PCDHGC3: variants seen among roughly 807,000 people sequenced by gnomAD.
PCDHGC3 encodes protocadherin gamma-C3.
A neutral mutation model predicts 59.2 loss-of-function variants in PCDHGC3; 26 were observed. The observed-to-expected ratio is 0.44, with a 90% CI of 0.32 to 0.61. The LOEUF is 0.61. Ranked by LOEUF, PCDHGC3 falls within the 20% of genes least tolerant of loss-of-function variation. The pLI is 0.05. For synonymous variants in PCDHGC3, 487 were observed against 519.7 expected, an observed-to-expected ratio of 0.94 and a Z score of 0.86; for missense variants, 1,080 against 1,221.8, an observed-to-expected ratio of 0.88 and a Z score of 1.73.
chr5:141,478,199 C>T lies in PCDHGC3; in HGVS notation c.2083C>T (p.Leu695Phe), dbSNP rs759439765. 3.7e-6 allele frequency: 6 copies of T among 1,614,056 alleles called. No homozygotes were observed. The Middle Eastern group carries it at 6.6e-4, about 178-fold the overall frequency. The change falls in exon 1 of 4, where the codon CTT becomes TTT. Residue 695 changes from leucine to phenylalanine, a missense_variant. Coordinates refer to ENST00000308177, the MANE Select transcript of PCDHGC3 (RefSeq NM_002588.4). The part of the protein sequence containing the change: ...EQKKNLTFYL[L>F]LSLILVSVGF... ...GAAAAAAAATCTCACCTTTTATCTA[C>T]TTCTTTCTCTAATCCTGGTTTCTGT...
At chr5:141,484,795 C>G (rs1265916821) in intron 1 of PCDHGC3, among the ~76,000 whole-genome samples, 1 of 151,902 alleles carries the variant, frequency 6.6e-6, no homozygotes, top group Middle Eastern at 3.4e-3. Flanking sequence ...AGATAACAAC[C>G]CGTGGAAAAA....
At chr5:141,483,082 C>T (rs2099576709) in intron 1 of PCDHGC3, among the ~76,000 whole-genome samples, 1 of 151,662 alleles carries the variant, frequency 6.6e-6, no homozygotes, top group African/African-American at 2.4e-5. Flanking sequence ...GAGACTCCAT[C>T]TCAAAAAAAA....
rs2099695710 is a variant in PCDHGC3, at chr5:141,490,068, A to G, written c.2431-4739A>G. On this transcript the variant is annotated intron_variant, in intron 1 of 3. Coordinates refer to ENST00000308177, the MANE Select transcript of PCDHGC3 (RefSeq NM_002588.4). This position sits in a 1 kb window ranked among gnomAD's most constrained non-coding sequence, Gnocchi z 5.4. ...ATCCAGACGAGGGCACCAACGGCCA[A>G]CTAGACTATTCTTTTGGAGACCACA... is the stretch of plus-strand genomic sequence containing the variant. 2 of 1,614,152 alleles carry G rather than the reference A, an allele frequency of 1.2e-6. No homozygotes were observed. The highest frequency in any genetic ancestry group is 1.6e-4 in the Middle Eastern group (1 of 6,084).
chr5:141,499,572 T>C (rs2099792782), intron 2 of PCDHGC3, among the ~76,000 whole-genome samples: 1 of 152,178 alleles, frequency 6.6e-6, no homozygotes, highest in Admixed American at 6.5e-5. Flanking sequence ...CAGCTTCAAC[T>C]AATGCCTTAT....
rs1000775080 is a variant in PCDHGC3 at position 141,487,567 on chromosome 5, G to C, written c.2431-7240G>C. 2 of 1,614,168 alleles carry C rather than the reference G, an allele frequency of 1.2e-6. No individual in the cohort carries two copies. The highest frequency in any genetic ancestry group is 1.7e-6 in the Non-Finnish European group (2 of 1,180,036). ...CACCCAGTGCACCTATGGCAGGGGA[G>C]CCTGTTCGCCCAAGCTGCCCACCCT... On this transcript the variant is annotated intron_variant, in intron 1 of 3. Coordinates refer to ENST00000308177, the MANE Select transcript of PCDHGC3 (RefSeq NM_002588.4). The surrounding 1 kb of genome is among the most constrained non-coding windows in gnomAD (Gnocchi z 5.0).
Position 141,487,323 on chromosome 5 carries a change from G to T in PCDHGC3, c.2431-7484G>T. The T allele has an allele frequency of 6.2e-7, 1 of 1,614,100 alleles. No homozygotes were observed. The highest frequency in any genetic ancestry group is 8.5e-7 in the Non-Finnish European group (1 of 1,180,004). On this transcript the variant is annotated intron_variant, in intron 1 of 3. Coordinates refer to ENST00000308177, the MANE Select transcript of PCDHGC3 (RefSeq NM_002588.4). This position sits in a 1 kb window ranked among gnomAD's most constrained non-coding sequence, Gnocchi z 5.0. ...GTGGCACTACTCTCTAAGTGTCTTC[G>T]TGGGGCAGCCTGTGGAGTCACATGC... is the stretch of plus-strand genomic sequence containing the variant.
At chr5:141,502,019 G>A (rs1454981730) in intron 2 of PCDHGC3, among the ~76,000 whole-genome samples, 1 of 152,008 alleles carries the variant, frequency 6.6e-6, no homozygotes, top group African/African-American at 2.4e-5. Flanking sequence ...TCTCCTCCCT[G>A]CAACCCCCGC....
chr5:141,486,559 G>A lies in PCDHGC3; in HGVS notation c.2430+8013G>A. ...CTTTCTTTCAGAGGTCACATGAGGTGTTTGTTCCTGAGAACAATCGCCCAG... is the reference window on the plus strand; with the variant it reads ...CTTTCTTTCAGAGGTCACATGAGGTATTTGTTCCTGAGAACAATCGCCCAG... On this transcript the variant is annotated intron_variant, in intron 1 of 3. Transcript: ENST00000308177. This position sits in a 1 kb window ranked among gnomAD's most constrained non-coding sequence, Gnocchi z 5.0. 6.2e-7 allele frequency: 1 copy of A among 1,614,032 alleles called. No individual in the cohort carries two copies. Among genetic ancestry groups the A allele is most frequent in the Non-Finnish European group, 8.5e-7 (1 of 1,180,022 alleles).
intron 1 of PCDHGC3, chr5:141,492,023 C>T: frequency 1.8e-6 from 1 of 564,804 alleles, no homozygotes; most frequent in Non-Finnish European, 3.0e-6. Context: ...TCGGGGGTCC[C>T]GGGAGGAGGC....
In PCDHGC3 at chr5:141,493,211, G is replaced by C. The variant is rs1312763933; in HGVS notation, c.2431-1596G>C. Reference sequence around the variant, plus strand: ...CTCCTTTGAGAACCTCATCTCATTTGCTCTTCCCACCATTGCTGTTGGCTA... The same window carrying C: ...CTCCTTTGAGAACCTCATCTCATTTCCTCTTCCCACCATTGCTGTTGGCTA... On this transcript the variant is annotated intron_variant, in intron 1 of 3. Transcript: ENST00000308177. The surrounding 1 kb of genome is among the most constrained non-coding windows in gnomAD (Gnocchi z 4.3). 6.6e-6 allele frequency among the ~76,000 whole-genome samples: 1 copy of C among 152,180 alleles called. No individual in the cohort carries two copies. The highest frequency in any genetic ancestry group is 2.4e-5 in the African/African-American group (1 of 41,436).
chr5:141,504,224 C>T (rs2099836716), intron 2 of PCDHGC3, among the ~76,000 whole-genome samples: 2 of 152,160 alleles, frequency 1.3e-5, no homozygotes, highest in African/African-American at 4.8e-5. Flanking sequence ...TAGAGCTGAA[C>T]CTTCTAAGAA....
chr5:141,509,199 GTC>G (rs1017134758), intron 3 of PCDHGC3, among the ~76,000 whole-genome samples: 1 of 152,070 alleles, frequency 6.6e-6, no homozygotes, highest in Non-Finnish European at 1.5e-5. Context: ...AATATTTCCT[GTC>G]TCTCTATTTC....
intron 2 of PCDHGC3, among the ~76,000 whole-genome samples, chr5:141,501,907 G>T (rs4912761): frequency 0.59 from 89,145 of 151,782 alleles, 27,774 homozygotes; most frequent in African/African-American, 0.8. Context: ...CAACCCCACT[G>T]TTCCACTCAG....
rs756146067 is a variant in PCDHGC3, at chr5:141,477,534, G to C, written c.1418G>C (p.Gly473Ala). Residue 473 changes from glycine to alanine, a missense_variant, in exon 1 of 4, where the codon GGG (glycine) becomes GCG (alanine). Gly to Ala is a moderately conservative substitution (Grantham distance 60). Transcript: ENST00000308177. This position sits in a 1 kb window ranked among gnomAD's most constrained non-coding sequence, Gnocchi z 4.9. ...TACATTGAAGAAAACAACCTCCCCG[G>C]GGCTCCAATACTAAACCTAAGTGTC... The part of the protein sequence containing the change: ...DVYIEENNLP[G>A]APILNLSVWD... 1.9e-6 allele frequency: 3 copies of C among 1,614,008 alleles called. No homozygotes were observed. Among genetic ancestry groups the C allele is most frequent in the East Asian group, 4.5e-5 (2 of 44,870 alleles).
chr5:141,478,483 G>A lies in PCDHGC3; in HGVS notation c.2367G>A (p.Leu789=). Residue 789 remains leucine (L), a synonymous_variant, in exon 1 of 4, where the codon CTG becomes CTA. Coordinates refer to ENST00000308177, the MANE Select transcript of PCDHGC3 (RefSeq NM_002588.4). ...CACTGGCCAGCCGCCAGAACACGCT[G>A]CGGAGCTGTGATCCGGTGTTCTATA... is the stretch of plus-strand genomic sequence containing the variant. ...ASPLASRQNT[L]RSCDPVFYRQ... The A allele has an allele frequency of 8.1e-6, 13 of 1,613,548 alleles. No homozygotes were observed. Among genetic ancestry groups the A allele is most frequent in the Non-Finnish European group, 1.1e-5 (13 of 1,179,760 alleles).
chr5:141,506,277 T>C (rs905595521), intron 3 of PCDHGC3, among the ~76,000 whole-genome samples: 1 of 152,050 alleles, frequency 6.6e-6, no homozygotes. Flanking sequence ...AGTGAAACCC[T>C]GTCTCTACTA....
At position 141,485,120 on chromosome 5, in the gene PCDHGC3, G is replaced by T; in HGVS notation, c.2430+6574G>T. The T allele has an allele frequency of 7.4e-7, 1 of 1,348,050 alleles. No individual in the cohort carries two copies. Among genetic ancestry groups the T allele is most frequent in the Non-Finnish European group, 1.0e-6 (1 of 952,710 alleles). 83.5% of individuals were successfully genotyped at this position (1,348,050 alleles called of 1,614,324 possible). On this transcript the variant is annotated intron_variant, in intron 1 of 3. Transcript: ENST00000308177. The surrounding 1 kb of genome is among the most constrained non-coding windows in gnomAD (Gnocchi z 5.7). ...TCCAGCTGCTGTGGCTGTTTGGGGC[G>T]GGTCGGCTTCATCCGCGTCTCAGGA...
chr5:141,489,210 G>C lies in PCDHGC3; in HGVS notation c.2431-5597G>C. ...TCTACCTTGGAGACAGGACAGCACA[G>C]ACTTACTCTCCACAAAGGGACTTCT... On this transcript the variant is annotated intron_variant, in intron 1 of 3. Coordinates refer to ENST00000308177, the MANE Select transcript of PCDHGC3 (RefSeq NM_002588.4). This position sits in a 1 kb window ranked among gnomAD's most constrained non-coding sequence, Gnocchi z 4.5. 6.8e-7 allele frequency: 1 copy of C among 1,461,860 alleles called. No individual in the cohort carries two copies. Among genetic ancestry groups the C allele is most frequent in the African/African-American group, 1.4e-5 (1 of 70,802 alleles). 90.6% of individuals were successfully genotyped at this position (1,461,860 alleles called of 1,614,324 possible).
At chr5:141,488,031 A>G (rs1475176300) in intron 1 of PCDHGC3, among the ~76,000 whole-genome samples, 1 of 152,122 alleles carries the variant, frequency 6.6e-6, no homozygotes, top group Non-Finnish European at 1.5e-5. Context: ...CTAGGTTACC[A>G]TTTCCCAAGG....
Sources: allele counts gnomAD v4.1 joint callset (sites outside exome capture counted in the v4.1 genomes callset), GRCh38; gene constraint gnomAD v4.1.1; non-coding constraint Gnocchi (gnomAD v3.1); transcripts MANE v1.5; gene names NCBI Gene and HGNC (gene_info 2026-07-23, HGNC 2026-07-21).